The following METTL8 variants were observed in gnomAD, a reference collection of about 807,000 sequenced individuals.
METTL8 encodes tRNA N(3)-cytidine methyltransferase METTL8, mitochondrial.
In METTL8, 32 loss-of-function variants were observed where a neutral mutation model predicts 48.7. The observed-to-expected ratio is 0.66, with a 90% CI of 0.50 to 0.88. METTL8 has a LOEUF of 0.88. METTL8 is among the 40% of genes least tolerant of loss of function. The pLI, the probability that METTL8 is intolerant of heterozygous loss-of-function variation, is 0.00. For missense variants in METTL8, 464 were observed against 474.4 expected (o/e 0.98, Z 0.20); for synonymous variants, 136 against 157.1 (o/e 0.87, Z 1.01).
chr2:171,415,415 C>T (rs1010515232), intron 1 of METTL8, among the ~76,000 whole-genome samples: 11 of 142,762 alleles, frequency 7.7e-5, no homozygotes, highest in South Asian at 2.2e-4. Flanking sequence ...TGCAGTGGCG[C>T]GATCTTGGCT....
intron 2 of METTL8, among the ~76,000 whole-genome samples, chr2:171,376,677 A>G (rs1687000939): frequency 6.6e-6 from 1 of 152,212 alleles, no homozygotes; most frequent in Non-Finnish European, 1.5e-5. Flanking sequence ...GAAAACTACA[A>G]AACACTGCTG....
intron 2 of METTL8, among the ~76,000 whole-genome samples, chr2:171,377,616 C>T (rs1342130668): frequency 6.6e-6 from 1 of 151,814 alleles, no homozygotes; most frequent in African/African-American, 2.4e-5. Context: ...TACAAACAGC[C>T]AACAAACATA....
intron 1 of METTL8, among the ~76,000 whole-genome samples, chr2:171,410,279 C>T (rs569250409): frequency 1.3e-5 from 2 of 152,272 alleles, no homozygotes; most frequent in Non-Finnish European, 2.9e-5. Context: ...AAATCCATAA[C>T]GTGGATGAAA....
chr2:171,345,072 AT>A (rs148597560), intron 3 of METTL8, among the ~76,000 whole-genome samples: 1 of 151,814 alleles, frequency 6.6e-6, no homozygotes, highest in Non-Finnish European at 1.5e-5. Flanking sequence ...TTGGAGGAAA[AT>A]TTTTTTTCTT....
intron 1 of METTL8, among the ~76,000 whole-genome samples, chr2:171,433,567 A>G (rs993781014): frequency 5.3e-5 from 8 of 152,196 alleles, no homozygotes; most frequent in African/African-American, 1.9e-4. Flanking sequence ...GCTAGTTAAC[A>G]AAGTATATCT....
At chr2:171,433,173 A>T (rs1693303786) in intron 1 of METTL8, 1 of 152,240 alleles carries the variant, frequency 6.6e-6, no homozygotes, top group East Asian at 1.9e-4. Flanking sequence ...GACAAGGCCA[A>T]TTCATCCAGC....
intron 2 of METTL8, among the ~76,000 whole-genome samples, chr2:171,361,025 G>A (rs1162947962): frequency 3.3e-5 from 5 of 152,198 alleles, no homozygotes; most frequent in Middle Eastern, 3.4e-3. Context: ...TTTAATTTCT[G>A]TAAAAGGATT....
chr2:171,351,391 T>C (rs988025131), intron 3 of METTL8, among the ~76,000 whole-genome samples: 2 of 152,222 alleles, frequency 1.3e-5, no homozygotes, highest in African/African-American at 4.8e-5. Context: ...TGAAGTCAGG[T>C]AGCGTGATGC....
chr2:171,345,492 A>ATTTT, intron 3 of METTL8, among the ~76,000 whole-genome samples: 1 of 152,362 alleles, frequency 6.6e-6, no homozygotes, highest in South Asian at 2.1e-4. Context: ...AACTCTTAAA[A>ATTTT]ACTATGAAAT....
intron 3 of METTL8, among the ~76,000 whole-genome samples, chr2:171,341,836 C>T (rs1686807618): frequency 1.8e-5 from 1 of 55,214 alleles, no homozygotes; most frequent in Admixed American, 1.6e-4. Context: ...TATTCATGTA[C>T]ACACACACAC....
At chr2:171,379,977 T>C (rs1172502673) in intron 2 of METTL8, among the ~76,000 whole-genome samples, 1 of 152,208 alleles carries the variant, frequency 6.6e-6, no homozygotes. Flanking sequence ...ATATCCCTGA[T>C]GAACATTGAT....
intron 1 of METTL8, among the ~76,000 whole-genome samples, chr2:171,405,745 G>A (rs531598247): frequency 1.3e-5 from 2 of 152,224 alleles, no homozygotes; most frequent in East Asian, 3.9e-4. Context: ...AAAGAAAGGG[G>A]AAATAAGTAC....
chr2:171,363,792 T>TATATATATATATATATATATATATATATA (rs1685404264), intron 2 of METTL8, among the ~76,000 whole-genome samples: 1 of 97,434 alleles, frequency 1.0e-5, no homozygotes, highest in African/African-American at 4.1e-5. Context: ...TCCCCAAATT[T>TATATATATATATATATATATATATATATA]TATATATATA....
chr2:171,357,527 A>C (rs1223652788), intron 3 of METTL8, among the ~76,000 whole-genome samples: 3 of 152,214 alleles, frequency 2.0e-5, no homozygotes, highest in African/African-American at 7.2e-5. Context: ...AAAAGAAATT[A>C]AAAAGGACAT....
chr2:171,363,131 T>A (rs1470298336), intron 2 of METTL8, among the ~76,000 whole-genome samples: 1 of 152,206 alleles, frequency 6.6e-6, no homozygotes, highest in East Asian at 1.9e-4. Context: ...TTCTTAACTG[T>A]AACTTCCTTA....
intron 1 of METTL8, among the ~76,000 whole-genome samples, chr2:171,429,593 A>C (rs1312484383): frequency 6.6e-6 from 1 of 152,240 alleles, no homozygotes; most frequent in East Asian, 1.9e-4. Flanking sequence ...TGTATAAAAG[A>C]TACAACACAC....
chr2:171,333,861 TAA>T (rs1224810003), intron 5 of METTL8, among the ~76,000 whole-genome samples: 1 of 152,162 alleles, frequency 6.6e-6, no homozygotes, highest in Admixed American at 6.5e-5. Context: ...CCCTCATCTT[TAA>T]AAAAAGAGAT....
chr2:171,395,924 A>G (rs1689015205), intron 1 of METTL8, among the ~76,000 whole-genome samples: 1 of 152,190 alleles, frequency 6.6e-6, no homozygotes, highest in South Asian at 2.1e-4. Flanking sequence ...TGAACATGGA[A>G]CATTCACCAA....
At chr2:171,423,410 T>C (rs976212708) in intron 1 of METTL8, among the ~76,000 whole-genome samples, 1 of 152,202 alleles carries the variant, frequency 6.6e-6, no homozygotes, top group Admixed American at 6.5e-5. Context: ...CAGGAAAATG[T>C]GAGAAAGTTT....
Sources: gnomAD v4.1 joint callset for allele counts (sites outside exome capture counted in the v4.1 genomes callset) on GRCh38, gnomAD v4.1.1 for gene constraint, MANE v1.5 for transcripts, NCBI Gene and HGNC (gene_info 2026-07-23, HGNC 2026-07-21) for gene names.